ZNF275: variants seen among roughly 807,000 people sequenced by gnomAD.
ZNF275 encodes zinc finger protein 275.
ZNF275 carries 4 observed loss-of-function variants against 4.3 expected under a neutral mutation model. That is an observed-to-expected ratio of 0.93 (90% CI 0.46 to 2.13). ZNF275 has a LOEUF of 2.13. ZNF275 is among the 30% of genes most tolerant of loss of function. ZNF275 has a pLI of 0.02. For synonymous variants in ZNF275, 173 were observed against 166.9 expected (o/e 1.04, Z -0.28); for missense variants, 352 against 397.1 (o/e 0.89, Z 0.97).
chrX:153,336,027 A>C (rs1209024654), intron 1 of ZNF275, among the ~76,000 whole-genome samples: 2 of 112,388 alleles, frequency 1.8e-5, no homozygotes, highest in African/African-American at 3.2e-5. Flanking sequence ...GCTATACTTA[A>C]AATTTATTTC....
rs1012300150 is a variant in ZNF275 at position 153,348,337 on chromosome X, C to T, written c.*362C>T. The stretch of plus-strand genomic sequence containing the variant: ...ACACAGAGCTGTTCCACGATGGCGT[C>T]CTCATAATGTGATCCCAGCTTTCCT... On this transcript the variant is annotated 3_prime_UTR_variant, in exon 4 of 4. Transcript: ENST00000650114. The T allele has an allele frequency of 1.6e-5, 2 of 123,469 alleles. No individual in the cohort carries two copies. Among genetic ancestry groups the T allele is most frequent in the Non-Finnish European group, 3.7e-5 (2 of 53,920 alleles). 10.2% of individuals were successfully genotyped at this position (123,469 alleles called of 1,213,427 possible). A position where few individuals can be genotyped will look rare whatever the true frequency, so the allele number is the denominator to read the frequency against.
intron 3 of ZNF275, among the ~76,000 whole-genome samples, chrX:153,346,154 A>C (rs1263567426): frequency 1.0e-5 from 1 of 96,315 alleles, no homozygotes; most frequent in Admixed American, 1.1e-4. Context: ...CTTGGGGTTG[A>C]GGTTAAGTTT....
In ZNF275 at chrX:153,347,474, G is replaced by T. The variant is rs782074274; in HGVS notation, c.789G>T (p.Leu263=). The T allele has an allele frequency of 5.0e-6, 6 of 1,205,565 alleles. No homozygotes were observed. The African/African-American group carries it at 8.7e-5, about 17-fold the overall frequency. The change falls in exon 4 of 4, where the codon CTG becomes CTT. Residue 263 remains leucine (L), a synonymous_variant. Coordinates refer to ENST00000650114, the MANE Select transcript of ZNF275 (RefSeq NM_001367757.1). ...LKHQRMHTGH[L]PFDCDDCGKS... The stretch of plus-strand genomic sequence containing the variant: ...ACCAGCGCATGCACACTGGCCACCT[G>T]CCCTTCGACTGCGACGACTGCGGCA...
chrX:153,344,765 ACGTGACCTC>A (rs199918945), intron 2 of ZNF275: 23 of 320,030 alleles, frequency 7.2e-5, no homozygotes, highest in Middle Eastern at 4.5e-4. Context: ...TATTATGGGA[ACGTGACCTC>A]TGTGGGTAAG....
chrX:153,338,799 A>G (rs1160821390), intron 2 of ZNF275, among the ~76,000 whole-genome samples: 1 of 108,660 alleles, frequency 9.2e-6, no homozygotes, highest in Admixed American at 9.9e-5. Context: ...AGGATGGTTT[A>G]AAGGCAGCAC....
At position 153,350,883 on chromosome X, in the gene ZNF275, T is replaced by G. The variant is rs1266200286; in HGVS notation, c.*2908T>G. On this transcript the variant is annotated 3_prime_UTR_variant, in exon 4 of 4. Coordinates refer to ENST00000650114, the MANE Select transcript of ZNF275 (RefSeq NM_001367757.1). Reference sequence around the variant, plus strand: ...TGTCATTTGATAAAGAAGGTTGACCTCTACCAGGGGCAAGTCTGGCACCTT... The same window carrying G: ...TGTCATTTGATAAAGAAGGTTGACCGCTACCAGGGGCAAGTCTGGCACCTT... The G allele has an allele frequency of 1.6e-5, 2 of 123,785 alleles. No homozygotes were observed. Among genetic ancestry groups the G allele is most frequent in the Admixed American group, 1.9e-4 (2 of 10,700 alleles). 10.2% of individuals were successfully genotyped at this position (123,785 alleles called of 1,213,427 possible).
At chrX:153,337,273 G>A (rs1225286155) in intron 2 of ZNF275, among the ~76,000 whole-genome samples, 1 of 111,775 alleles carries the variant, frequency 8.9e-6, no homozygotes, top group East Asian at 2.8e-4. Flanking sequence ...TTGGCTATTT[G>A]TGCGATAAAA....
At chrX:153,346,591 C>T (rs1301805528) in intron 3 of ZNF275, among the ~76,000 whole-genome samples, 2 of 112,522 alleles carry the variant, frequency 1.8e-5, no homozygotes, top group Admixed American at 9.3e-5. Context: ...ACGTGTGTGG[C>T]TGCTCTCTGG....
At chrX:153,344,652 G>T (rs782443566) in intron 2 of ZNF275, 35 of 374,259 alleles carry the variant, frequency 9.4e-5, no homozygotes, top group Middle Eastern at 4.3e-4. Context: ...AGACTGATGA[G>T]CCCTGGGAAT....
At chrX:153,345,000 C>T in intron 2 of ZNF275, 1 of 228,857 alleles carries the variant, frequency 4.4e-6, no homozygotes, top group Non-Finnish European at 8.3e-6. Flanking sequence ...AGAACACTGC[C>T]ACTGTAATGT....
intron 1 of ZNF275, among the ~76,000 whole-genome samples, chrX:153,335,794 G>C (rs1556960547): frequency 1.8e-5 from 2 of 109,891 alleles, no homozygotes; most frequent in African/African-American, 6.6e-5. Context: ...TAATCTCCTG[G>C]GGTGCTTGTT....
chrX:153,345,709 C>A lies in ZNF275; in HGVS notation c.133+88C>A. 4.2e-6 allele frequency: 3 copies of A among 720,591 alleles called. No homozygotes were observed. The Admixed American group carries it at 7.7e-5, about 18-fold the overall frequency. The allele number at this position is 720,591 out of a possible 1,213,427, so 59.4% of individuals were successfully genotyped here. On this transcript the variant is annotated intron_variant, in intron 3 of 3. Coordinates refer to ENST00000650114, the MANE Select transcript of ZNF275 (RefSeq NM_001367757.1). Reference sequence around the variant, plus strand: ...GTTAGGGTTGGAGAGCCCAGCTGAGCTGTTAGGCTTCAGGTTAGGGTTGGG... The same window carrying A: ...GTTAGGGTTGGAGAGCCCAGCTGAGATGTTAGGCTTCAGGTTAGGGTTGGG...
chrX:153,343,412 C>T (rs940522361), intron 2 of ZNF275: 6 of 353,454 alleles, frequency 1.7e-5, no homozygotes, highest in South Asian at 7.6e-5. Context: ...GCACGGATGC[C>T]GGTGGTTGAA....
chrX:153,343,448 A>G (rs1556961189), intron 2 of ZNF275: 8 of 348,011 alleles, frequency 2.3e-5, no homozygotes, highest in Non-Finnish European at 4.5e-5. Flanking sequence ...GCAATTTGGA[A>G]GAAGAAGATA....
intron 2 of ZNF275, chrX:153,344,950 T>C (rs2088503202): frequency 4.4e-6 from 1 of 227,682 alleles, no homozygotes; most frequent in African/African-American, 2.9e-5. Flanking sequence ...CCTCTTGGCA[T>C]GGAAAGAACC....
chrX:153,341,192 C>T (rs2088478316), intron 2 of ZNF275, among the ~76,000 whole-genome samples: 1 of 112,302 alleles, frequency 8.9e-6, no homozygotes, highest in Admixed American at 9.4e-5. Context: ...GTGTTTAGTC[C>T]ATTTACACTT....
intron 1 of ZNF275, among the ~76,000 whole-genome samples, chrX:153,334,646 T>C (rs2124199716): frequency 9.1e-6 from 1 of 109,644 alleles, no homozygotes; most frequent in East Asian, 2.9e-4. Flanking sequence ...GCTCTGCTCT[T>C]TGGGGGACGC....
At chrX:153,338,728 G>C (rs2088462946) in intron 2 of ZNF275, among the ~76,000 whole-genome samples, 1 of 106,104 alleles carries the variant, frequency 9.4e-6, no homozygotes, top group Non-Finnish European at 1.9e-5. Flanking sequence ...AAGAGACAGA[G>C]AGAGACGAAG....
rs201800463 is a variant in ZNF275 at position 153,348,950 on chromosome X, CT to C, written c.*976del. 721 of 123,386 alleles carry C rather than the reference CT, an allele frequency of 5.8e-3. 5 individuals carry two copies. The highest frequency in any genetic ancestry group is 6.8e-3 in the Non-Finnish European group (363 of 53,281). The allele number at this position is 123,386 out of a possible 1,213,427, so 10.2% of individuals were successfully genotyped here. A position where few individuals can be genotyped will look rare whatever the true frequency, so the allele number is the denominator to read the frequency against. ...TTAAACCATTTCAATTTGGTGTCCC[CT>C]ATACATATCCAAAACTAGCATCGAT... On this transcript the variant is annotated 3_prime_UTR_variant, in exon 4 of 4. Coordinates refer to ENST00000650114, the MANE Select transcript of ZNF275 (RefSeq NM_001367757.1).
Sources: allele counts gnomAD v4.1 joint callset (sites outside exome capture counted in the v4.1 genomes callset), GRCh38; gene constraint gnomAD v4.1.1; transcripts MANE v1.5; gene names NCBI Gene and HGNC (gene_info 2026-07-23, HGNC 2026-07-21).